The following LINGO2 variants were observed in gnomAD, a reference collection of about 807,000 sequenced individuals.
LINGO2 encodes leucine-rich repeat and immunoglobulin-like domain-containing nogo receptor-interacting protein 2.
Under a neutral mutation model 30.6 loss-of-function variants are expected in LINGO2, and 14 were observed. That is an observed-to-expected ratio of 0.46 (90% CI 0.30 to 0.72). LINGO2 has a LOEUF of 0.72. LINGO2 is among the 30% of genes least tolerant of loss of function. The pLI is 0.07. For synonymous variants in LINGO2, 317 were observed against 288.5 expected (o/e 1.10, Z -1.00); for missense variants, 729 against 751.7 (o/e 0.97, Z 0.35).
chr9:28,098,406 C>A (rs1826312024), intron 4 of LINGO2, among the ~76,000 whole-genome samples: 1 of 152,100 alleles, frequency 6.6e-6, no homozygotes, highest in South Asian at 2.1e-4. Context: ...AATTATATAT[C>A]AATAAATCTA....
the LINGO2 span, among the ~76,000 whole-genome samples, chr9:28,890,714 T>C: frequency 6.6e-6 from 1 of 152,086 alleles, no homozygotes; most frequent in African/African-American, 2.4e-5. Context: ...CTATAAAGGT[T>C]ATTTGCTGTT....
the LINGO2 span, among the ~76,000 whole-genome samples, chr9:28,960,911 A>C: frequency 7.2e-5 from 11 of 152,074 alleles, no homozygotes; most frequent in African/African-American, 2.7e-4. Context: ...TTTTAACAAA[A>C]TATTGAATTA....
intron 4 of LINGO2, among the ~76,000 whole-genome samples, chr9:28,123,249 A>C (rs752433070): frequency 6.6e-6 from 1 of 152,250 alleles, no homozygotes; most frequent in Non-Finnish European, 1.5e-5. Flanking sequence ...CTAAAATCAT[A>C]GTCAGGTTTC....
At chr9:28,189,295 GGAAGGA>G (rs1277139725) in intron 4 of LINGO2, among the ~76,000 whole-genome samples, 8 of 55,790 alleles carry the variant, frequency 1.4e-4, no homozygotes, top group South Asian at 5.7e-4. Context: ...GAGGGAGGAA[GGAAGGA>G]AGGGAGGAAG....
At position 28,262,791 on chromosome 9, in the gene LINGO2, C is replaced by T. The variant is rs1244879095; in HGVS notation, c.-87+32417G>A. ...ATATATAGGGGATTTTCCAACTATT[C>T]TCTATTTCTTTAGAACACAAAATTG... On this transcript the variant is annotated intron_variant, in intron 4 of 5. Transcript: ENST00000379992. Among the ~76,000 whole-genome samples, 5 of 151,870 alleles carry T rather than the reference C, an allele frequency of 3.3e-5. No individual in the cohort carries two copies. The East Asian group carries it at 9.7e-4, about 29-fold the overall frequency.
chr9:28,894,316 C>T, the LINGO2 span, among the ~76,000 whole-genome samples: 44 of 152,070 alleles, frequency 2.9e-4, no homozygotes, highest in African/African-American at 9.6e-4. Context: ...ATTTTAGGTG[C>T]TATTTATATA....
intron 4 of LINGO2, among the ~76,000 whole-genome samples, chr9:28,209,400 C>T (rs1255438475): frequency 6.6e-6 from 1 of 151,744 alleles, no homozygotes; most frequent in Admixed American, 6.6e-5. Flanking sequence ...CTTTAATTTC[C>T]CTTGGGAATT....
At chr9:28,189,728 G>A (rs984764489) in intron 4 of LINGO2, among the ~76,000 whole-genome samples, 5 of 151,088 alleles carry the variant, frequency 3.3e-5, no homozygotes, top group African/African-American at 1.2e-4. Flanking sequence ...AGGAAGGTTG[G>A]TTCAAAAGAT....
At chr9:29,168,176 T>A in the LINGO2 span, among the ~76,000 whole-genome samples, 1 of 152,124 alleles carries the variant, frequency 6.6e-6, no homozygotes, top group Non-Finnish European at 1.5e-5. Flanking sequence ...AATCATGTAA[T>A]TTTTTAGACC....
At chr9:28,375,575 G>T (rs1821097401) in intron 2 of LINGO2, among the ~76,000 whole-genome samples, 1 of 152,190 alleles carries the variant, frequency 6.6e-6, no homozygotes, top group African/African-American at 2.4e-5. Flanking sequence ...GGTACGCACT[G>T]CATGCCGCAG....
the LINGO2 span, among the ~76,000 whole-genome samples, chr9:29,002,454 T>C: frequency 6.6e-6 from 1 of 152,114 alleles, no homozygotes; most frequent in Non-Finnish European, 1.5e-5. Flanking sequence ...GAATGCTCTG[T>C]CCTGCTGATA....
chr9:28,053,040 T>G (rs755229862), intron 4 of LINGO2, among the ~76,000 whole-genome samples: 1 of 152,118 alleles, frequency 6.6e-6, no homozygotes, highest in Non-Finnish European at 1.5e-5. Flanking sequence ...TCATCAAGTT[T>G]ATAATCCAGA....
chr9:28,440,139 C>T (rs1824134366), intron 2 of LINGO2, among the ~76,000 whole-genome samples: 1 of 152,018 alleles, frequency 6.6e-6, no homozygotes, highest in African/African-American at 2.4e-5. Flanking sequence ...TTTTGTTTTC[C>T]TCAAAACCCT....
intron 1 of LINGO2, among the ~76,000 whole-genome samples, chr9:28,495,690 C>A (rs966275212): frequency 6.6e-6 from 1 of 152,052 alleles, no homozygotes; most frequent in African/African-American, 2.4e-5. Flanking sequence ...TTATTTCTTG[C>A]CTTCTGATAG....
chr9:28,808,049 T>C, the LINGO2 span, among the ~76,000 whole-genome samples: 1 of 152,222 alleles, frequency 6.6e-6, no homozygotes, highest in South Asian at 2.1e-4. Context: ...ATCATCATAA[T>C]GACTAAAACA....
At chr9:28,095,153 G>T (rs1051312122) in intron 4 of LINGO2, among the ~76,000 whole-genome samples, 2 of 151,990 alleles carry the variant, frequency 1.3e-5, no homozygotes, top group African/African-American at 2.4e-5. Flanking sequence ...CCTTCAGTGT[G>T]ACTCCCAAAA....
chr9:28,502,111 G>T (rs1819911711), intron 1 of LINGO2, among the ~76,000 whole-genome samples: 1 of 144,490 alleles, frequency 6.9e-6, no homozygotes, highest in Non-Finnish European at 1.5e-5. Context: ...TGGTTTCCAG[G>T]TCTCAAGATG....
chr9:28,410,811 C>T (rs1822730742), intron 2 of LINGO2, among the ~76,000 whole-genome samples: 1 of 152,014 alleles, frequency 6.6e-6, no homozygotes, highest in East Asian at 1.9e-4. Flanking sequence ...CATTTTTATT[C>T]TGATAAAATA....
chr9:27,946,862 G>T (rs1823384072), downstream of LINGO2, among the ~76,000 whole-genome samples: 1 of 152,124 alleles, frequency 6.6e-6, no homozygotes, highest in African/African-American at 2.4e-5. Context: ...TTTATTAGGG[G>T]AGAAATGGGT....
Sources: gnomAD v4.1 joint callset for allele counts (sites outside exome capture counted in the v4.1 genomes callset) on GRCh38, gnomAD v4.1.1 for gene constraint, MANE v1.5 for transcripts, NCBI Gene and HGNC (gene_info 2026-07-23, HGNC 2026-07-21) for gene names.